The following LRRC27 variants were observed in gnomAD, a reference collection of about 807,000 sequenced individuals.
The protein encoded by LRRC27 is leucine rich repeat containing 27, also known as leucine-rich repeat-containing protein 27.
In LRRC27, 57 loss-of-function variants were observed where a neutral mutation model predicts 55.0. The observed-to-expected ratio is 1.04, with a 90% CI of 0.84 to 1.29. The LOEUF is 1.29. Among genes scored for constraint, LRRC27 ranks in the 50% most tolerant of loss-of-function variants. The pLI, the probability that LRRC27 is intolerant of heterozygous loss-of-function variation, is 0.00. For synonymous variants in LRRC27, 278 were observed against 251.9 expected, an observed-to-expected ratio of 1.10 and a Z score of -0.98; for missense variants, 721 against 651.5, an observed-to-expected ratio of 1.11 and a Z score of -1.16.
chr10:132,333,761 G>A (rs753328375), intron 2 of LRRC27, 27 bp downstream of exon 2: 20 of 1,567,442 alleles, frequency 1.3e-5, no homozygotes, highest in Non-Finnish European at 1.5e-5. Flanking sequence ...CTCAGGCTGT[G>A]TGCCCACAGG....
chr10:132,373,722 G>A (rs535228493), intron 10 of LRRC27, among the ~76,000 whole-genome samples: 1 of 152,322 alleles, frequency 6.6e-6, no homozygotes, highest in South Asian at 2.1e-4. Context: ...CCAGAAGAAA[G>A]GGAGCTGACC....
intron 8 of LRRC27, among the ~76,000 whole-genome samples, chr10:132,357,002 G>A (rs530443203): frequency 1.3e-5 from 2 of 152,260 alleles, no homozygotes; most frequent in Non-Finnish European, 2.9e-5. Context: ...GCGTGGCCAC[G>A]TGGGCCTGCA....
intron 7 of LRRC27, among the ~76,000 whole-genome samples, chr10:132,353,904 C>G (rs1302668536): frequency 6.6e-6 from 1 of 152,266 alleles, no homozygotes; most frequent in African/African-American, 2.4e-5. Flanking sequence ...CCTTCCCTTC[C>G]CTGCTGCAGG....
chr10:132,340,344 A>G (rs1457418546), intron 3 of LRRC27, among the ~76,000 whole-genome samples: 2 of 152,230 alleles, frequency 1.3e-5, no homozygotes, highest in African/African-American at 4.8e-5. Flanking sequence ...GTTAATAGTC[A>G]GTAAACATGC....
intron 8 of LRRC27, among the ~76,000 whole-genome samples, chr10:132,358,099 A>T (rs755906027): frequency 2.0e-5 from 3 of 152,256 alleles, no homozygotes; most frequent in African/African-American, 7.2e-5. Context: ...AAATGTTCAT[A>T]TCTAATATAC....
intron 10 of LRRC27, among the ~76,000 whole-genome samples, chr10:132,368,902 G>A (rs1055165370): frequency 5.9e-5 from 9 of 152,072 alleles, no homozygotes; most frequent in Non-Finnish European, 1.2e-4. Context: ...AGATACACCC[G>A]ATAAAGGAAT....
At chr10:132,331,064 G>C (rs2138522388), upstream of LRRC27, among the ~76,000 whole-genome samples, 1 of 151,412 alleles carries the variant, frequency 6.6e-6, no homozygotes, top group East Asian at 2.0e-4. Flanking sequence ...AGCTGGACGT[G>C]GTGGCGCGCG....
At chr10:132,340,292 A>G (rs2067346129) in intron 3 of LRRC27, among the ~76,000 whole-genome samples, 1 of 152,194 alleles carries the variant, frequency 6.6e-6, no homozygotes, top group African/African-American at 2.4e-5. Flanking sequence ...TATTTTAATA[A>G]TATTATTATA....
chr10:132,338,941 C>T (rs997549853), intron 3 of LRRC27, among the ~76,000 whole-genome samples: 1 of 152,150 alleles, frequency 6.6e-6, no homozygotes, highest in African/African-American at 2.4e-5. Flanking sequence ...AAGTCCTGAC[C>T]TCAAGTGATC....
intron 7 of LRRC27, among the ~76,000 whole-genome samples, chr10:132,352,701 C>T (rs148192749): frequency 0.039 from 5,350 of 135,870 alleles, 331 homozygotes; most frequent in African/African-American, 0.076. Flanking sequence ...GCAGGTGCAG[C>T]GCTCGTGGTC....
rs2069407247 is a variant in LRRC27, at chr10:132,381,265, C to T, written c.*6023C>T. Among the ~76,000 whole-genome samples, 1 of 152,242 alleles carries T rather than the reference C, an allele frequency of 6.6e-6. No homozygotes were observed. Among genetic ancestry groups the T allele is most frequent in the Non-Finnish European group, 1.5e-5 (1 of 68,042 alleles). On this transcript the variant is annotated 3_prime_UTR_variant, in exon 11 of 11. Transcript: ENST00000368614. ...ATGCTGGATGCTTCCTGCCCTTGAA[C>T]ATCAGACTCCAAGTTCTTTAGCTTT...
intron 10 of LRRC27, among the ~76,000 whole-genome samples, chr10:132,369,604 CTT>C (rs2069169662): frequency 6.6e-6 from 1 of 152,138 alleles, no homozygotes; most frequent in African/African-American, 2.4e-5. Flanking sequence ...TAAAACTACT[CTT>C]CATGATGCTG....
chr10:132,371,885 C>T (rs1474704922), intron 10 of LRRC27, among the ~76,000 whole-genome samples: 1 of 152,240 alleles, frequency 6.6e-6, no homozygotes, highest in African/African-American at 2.4e-5. Flanking sequence ...GTGCTGTCCT[C>T]TCAGACACAC....
At position 132,355,798 on chromosome 10, in the gene LRRC27, G is replaced by A. The variant is rs1349767023; in HGVS notation, c.1082G>A (p.Arg361Lys). The change falls in exon 8 of 11, where the codon AGG becomes AAG. Residue 361 changes from arginine to lysine, a missense_variant. By Grantham distance (26) the Arg-to-Lys change is conservative. Coordinates refer to ENST00000368614, the MANE Select transcript of LRRC27 (RefSeq NM_030626.3). ...ALMEQQRREK[R>K]ALQEWRERAQ... Reference sequence around the variant, plus strand: ...ACCTTCCCTTTCTCCAGAGAGAAAAGGGCACTGCAGGAGTGGAGAGAGCGA... The same window carrying A: ...ACCTTCCCTTTCTCCAGAGAGAAAAAGGCACTGCAGGAGTGGAGAGAGCGA... 9.0e-6 allele frequency: 14 copies of A among 1,552,520 alleles called. No individual in the cohort carries two copies. Among genetic ancestry groups the A allele is most frequent in the African/African-American group, 1.4e-5 (1 of 73,082 alleles).
At chr10:132,364,809 T>C (rs796914930) in intron 9 of LRRC27, among the ~76,000 whole-genome samples, 46 of 112,754 alleles carry the variant, frequency 4.1e-4, no homozygotes, top group African/African-American at 9.0e-4. Flanking sequence ...CACCCACACT[T>C]ACACCCACCC....
chr10:132,364,478 C>CACGCTTACATCT (rs2068872226), intron 9 of LRRC27, among the ~76,000 whole-genome samples: 1 of 105,528 alleles, frequency 9.5e-6, no homozygotes, highest in African/African-American at 4.4e-5. Context: ...CACTTACACC[C>CACGCTTACATCT]ACCCACACTT....
chr10:132,370,566 C>T (rs2069189482), intron 10 of LRRC27, among the ~76,000 whole-genome samples: 1 of 152,230 alleles, frequency 6.6e-6, no homozygotes. Flanking sequence ...CCACAAGCTC[C>T]AGCCATCCTT....
At chr10:132,363,415 G>A (rs141688098) in intron 9 of LRRC27, among the ~76,000 whole-genome samples, 337 of 152,284 alleles carry the variant, frequency 2.2e-3, no homozygotes, top group African/African-American at 7.4e-3. Flanking sequence ...CCTCTGAGCC[G>A]TGTATAAGGA....
rs1347798011 is a variant in LRRC27, at chr10:132,332,241, G to C, written c.-64G>C. 1 of 153,710 alleles carries C rather than the reference G, an allele frequency of 6.5e-6. No individual in the cohort carries two copies. Among genetic ancestry groups the C allele is most frequent in the African/African-American group, 2.4e-5 (1 of 41,502 alleles). The allele number at this position is 153,710 out of a possible 1,614,324, so 9.5% of individuals were successfully genotyped here. On this transcript the variant is annotated 5_prime_UTR_variant, in exon 1 of 11. Transcript: ENST00000368614. ...GGCGGGGCTCGCCAGCGCTTCAGTG[G>C]GCGGGGACGCGGCAGGTGAGACGGG...
Sources: allele counts gnomAD v4.1 joint callset (sites outside exome capture counted in the v4.1 genomes callset), GRCh38; gene constraint gnomAD v4.1.1; transcripts MANE v1.5; gene names NCBI Gene and HGNC (gene_info 2026-07-23, HGNC 2026-07-21).